CSMD3: variants seen among roughly 807,000 people sequenced by gnomAD.
The protein encoded by CSMD3 is CUB and sushi domain-containing protein 3.
CSMD3 carries 177 observed loss-of-function variants against 435.2 expected under a neutral mutation model. That is an observed-to-expected ratio of 0.41 (90% confidence interval 0.36 to 0.46). The LOEUF is 0.46. Ranked by LOEUF, CSMD3 falls within the 20% of genes least tolerant of loss-of-function variation. The probability of loss-of-function intolerance (pLI) is 0.34; values close to 1 mark genes in which losing one functional copy is unlikely to be tolerated. For synonymous variants in CSMD3, 1,656 were observed against 1,520.5 expected, an observed-to-expected ratio of 1.09 and a Z score of -2.07; for missense variants, 4,265 against 4,504.6, an observed-to-expected ratio of 0.95 and a Z score of 1.52.
At chr8:112,264,314 G>A (rs1308953402) in intron 60 of CSMD3, among the ~76,000 whole-genome samples, 1 of 151,972 alleles carries the variant, frequency 6.6e-6, no homozygotes, top group African/African-American at 2.4e-5. Context: ...AGATTCATAT[G>A]TTAAACCTTA....
At chr8:112,548,773 A>T (rs1827415556) in intron 27 of CSMD3, among the ~76,000 whole-genome samples, 1 of 152,090 alleles carries the variant, frequency 6.6e-6, no homozygotes, top group Non-Finnish European at 1.5e-5. Context: ...CAAGAGGTTA[A>T]TTTTTCATTC....
intron 4 of CSMD3, among the ~76,000 whole-genome samples, chr8:113,147,189 T>C (rs2091695694): frequency 6.6e-6 from 1 of 151,740 alleles, no homozygotes; most frequent in Non-Finnish European, 1.5e-5. Flanking sequence ...AGGAATATTA[T>C]TGGAAAAGAA....
chr8:112,323,173 A>C (rs1289065701), intron 45 of CSMD3, among the ~76,000 whole-genome samples: 1 of 152,010 alleles, frequency 6.6e-6, no homozygotes, highest in Non-Finnish European at 1.5e-5. Flanking sequence ...ACAAACAAAC[A>C]AACCTCTTTT....
chr8:112,597,179 G>C (rs2131395778), intron 22 of CSMD3, among the ~76,000 whole-genome samples: 1 of 151,018 alleles, frequency 6.6e-6, no homozygotes, highest in African/African-American at 2.4e-5. Context: ...AAATGATAAA[G>C]GGGATATCAC....
intron 22 of CSMD3, among the ~76,000 whole-genome samples, chr8:112,635,144 C>G (rs1456839007): frequency 1.3e-5 from 2 of 152,008 alleles, no homozygotes; most frequent in African/African-American, 4.8e-5. Flanking sequence ...GCTGGAGAGA[C>G]AGCAGATTAT....
intron 3 of CSMD3, among the ~76,000 whole-genome samples, chr8:113,249,620 G>C (rs751256369): frequency 6.6e-6 from 1 of 151,966 alleles, no homozygotes; most frequent in African/African-American, 2.4e-5. Flanking sequence ...CTGGTTGTAC[G>C]TGTTTTGAAT....
intron 22 of CSMD3, among the ~76,000 whole-genome samples, chr8:112,614,097 G>A (rs1221065945): frequency 6.6e-6 from 1 of 152,090 alleles, no homozygotes; most frequent in Non-Finnish European, 1.5e-5. Context: ...TTTTAGCAGA[G>A]AACTGAAGGA....
rs147246573 is a variant in CSMD3 at position 112,701,064 on chromosome 8, C to T, written c.1973-11014G>A. Among the ~76,000 whole-genome samples, 6 of 152,212 alleles carry T rather than the reference C, an allele frequency of 3.9e-5. No homozygotes were observed. In the East Asian group the frequency reaches 1.2e-3, roughly 29 times the overall value. ...ATTTCTCTGTTTATATAACTTTTCC[C>T]CCTCTTTCTTGCTGTCTTAGAAATA... On this transcript the variant is annotated intron_variant, in intron 13 of 70. Coordinates refer to ENST00000297405, the MANE Select transcript of CSMD3 (RefSeq NM_198123.2).
At chr8:113,331,116 A>G (rs1353677911) in intron 1 of CSMD3, among the ~76,000 whole-genome samples, 1 of 151,796 alleles carries the variant, frequency 6.6e-6, no homozygotes. Context: ...AAAATCAAGA[A>G]TAATAGAGAG....
At chr8:112,419,352 C>T (rs1406263772) in intron 32 of CSMD3, among the ~76,000 whole-genome samples, 1 of 152,068 alleles carries the variant, frequency 6.6e-6, no homozygotes, top group African/African-American at 2.4e-5. Flanking sequence ...ATAATGAGAC[C>T]ATTCTGGCTC....
intron 58 of CSMD3, among the ~76,000 whole-genome samples, chr8:112,283,828 ATT>A (rs1254668096): frequency 6.6e-6 from 1 of 151,822 alleles, no homozygotes; most frequent in East Asian, 1.9e-4. Context: ...TCTGGATCAT[ATT>A]TTAGTAGGGT....
intron 6 of CSMD3, among the ~76,000 whole-genome samples, chr8:113,013,230 T>G (rs1464080730): frequency 1.3e-5 from 2 of 152,106 alleles, no homozygotes; most frequent in African/African-American, 4.8e-5. Context: ...GTTTTTCCCT[T>G]GAGAAACGTG....
chr8:113,160,355 C>T (rs553430218), intron 4 of CSMD3, among the ~76,000 whole-genome samples: 4 of 151,952 alleles, frequency 2.6e-5, no homozygotes, highest in Non-Finnish European at 5.9e-5. Context: ...GATTTAGTTA[C>T]AAGAGTGGAA....
intron 10 of CSMD3, among the ~76,000 whole-genome samples, chr8:112,911,631 G>GTA (rs2082415142): frequency 1.2e-5 from 1 of 84,124 alleles, no homozygotes; most frequent in Non-Finnish European, 2.2e-5. Flanking sequence ...GTGTGTGTGT[G>GTA]TACATATATA....
At chr8:112,572,676 G>C (rs1829628009) in intron 24 of CSMD3, among the ~76,000 whole-genome samples, 4 of 152,026 alleles carry the variant, frequency 2.6e-5, no homozygotes, top group Admixed American at 2.6e-4. Context: ...CAACATTAAT[G>C]AGTGCTCTGA....
chr8:112,977,886 A>G (rs1007284375), intron 6 of CSMD3, among the ~76,000 whole-genome samples: 1 of 152,058 alleles, frequency 6.6e-6, no homozygotes, highest in Admixed American at 6.6e-5. Flanking sequence ...AATATTTGAT[A>G]ATAATTTTTT....
intron 28 of CSMD3, among the ~76,000 whole-genome samples, chr8:112,508,913 A>G (rs182491477): frequency 6.6e-6 from 1 of 152,214 alleles, no homozygotes; most frequent in Non-Finnish European, 1.5e-5. Context: ...AACAAGTCCA[A>G]CAAAGCAGAA....
chr8:112,692,000 A>G (rs1301308567), intron 13 of CSMD3, among the ~76,000 whole-genome samples: 1 of 151,898 alleles, frequency 6.6e-6, no homozygotes, highest in Non-Finnish European at 1.5e-5. Context: ...ATGGGGTTTC[A>G]CTGTGTTGTC....
rs190659521 is a variant in CSMD3 at position 113,181,083 on chromosome 8, T to C, written c.515-7167A>G. ...CTTATTGAAAGGGAACCCAAATAAA[T>C]TACTGGTTGCTAGAAAAGAAATAAG... On this transcript the variant is annotated intron_variant, in intron 3 of 70. Coordinates refer to ENST00000297405, the MANE Select transcript of CSMD3 (RefSeq NM_198123.2). Among the ~76,000 whole-genome samples, 840 of 152,032 alleles carry C rather than the reference T, an allele frequency of 5.5e-3. 12 individuals are homozygous for C. Among genetic ancestry groups the C allele is most frequent in the African/African-American group, 0.019 (808 of 41,526 alleles).
Sources: allele counts gnomAD v4.1 joint callset (sites outside exome capture counted in the v4.1 genomes callset), GRCh38; gene constraint gnomAD v4.1.1; transcripts MANE v1.5; gene names NCBI Gene and HGNC (gene_info 2026-07-23, HGNC 2026-07-21).